Variants in ANKRD27 observed in about 807,000 individuals in gnomAD.
The protein encoded by ANKRD27 is ankyrin repeat domain 27.
ANKRD27 carries 112 observed loss-of-function variants against 129.7 expected under a neutral mutation model. That is an observed-to-expected ratio of 0.86 (90% CI 0.74 to 1.01). The LOEUF is 1.01. ANKRD27 is among the 50% of genes least tolerant of loss of function. ANKRD27 has a pLI of 0.00. For synonymous variants in ANKRD27, 516 were observed against 511.2 expected (o/e 1.01, Z -0.13); for missense variants, 1,258 against 1,300.5 (o/e 0.97, Z 0.50).
rs545223921 is a variant in ANKRD27, at chr19:32,652,510, G to A, written c.103-2718C>T. ...CAGGTGGCTGAGGCCGGGAGGCAGA[G>A]GTTGCAGTGAGCCGAGATCGCACCA... On this transcript the variant is annotated intron_variant, in intron 2 of 28. Transcript: ENST00000306065. Among the ~76,000 whole-genome samples the A allele has an allele frequency of 5.9e-5, 9 of 152,212 alleles. No individual in the cohort carries two copies. In the South Asian group the frequency reaches 1.7e-3, roughly 28 times the overall value.
rs746983376 is a variant in ANKRD27, at chr19:32,646,599, C to T, written c.230G>A (p.Gly77Glu). ...ACCAGCTCCTAATTTAATCCTGTTC[C>T]CTTGAATAAAGACATCCTGGAAACA... is the stretch of plus-strand genomic sequence containing the variant. ...TLNGKDVFIQ[G>E]NRIKLGAGFA... The change falls in exon 4 of 29, where the codon GGG becomes GAG. Residue 77 changes from glycine to glutamate, a missense_variant. Physicochemically the swap from Gly to Glu is moderately conservative, Grantham distance 98. Coordinates refer to ENST00000306065, the MANE Select transcript of ANKRD27 (RefSeq NM_032139.3). 1.2e-6 allele frequency: 2 copies of T among 1,612,702 alleles called. No homozygotes were observed. The highest frequency in any genetic ancestry group is 2.7e-5 in the African/African-American group (2 of 74,870).
Position 32,600,011 on chromosome 19 carries a change from G to A in ANKRD27, c.2807C>T (p.Thr936Ile), listed in dbSNP as rs778716421. 1.9e-6 allele frequency: 3 copies of A among 1,613,028 alleles called. No homozygotes were observed. Among genetic ancestry groups the A allele is most frequent in the Non-Finnish European group, 2.5e-6 (3 of 1,179,298 alleles). The change falls in exon 27 of 29, where the codon ACA becomes ATA. Residue 936 changes from threonine to isoleucine, a missense_variant. Coordinates refer to ENST00000306065, the MANE Select transcript of ANKRD27 (RefSeq NM_032139.3). ...TGAGTGGACAAAGTAAAACTGTCTT[G>A]TAAAAGGCTCATCTGGTAGATCATA... ...KLYDLPDEPF[T>I]RQFYFVHSAG...
At chr19:32,606,030 T>C (rs1971729441) in intron 23 of ANKRD27, 76 bp from the exon 24 acceptor site, 1 of 1,204,958 alleles carries the variant, frequency 8.3e-7, no homozygotes, top group Non-Finnish European at 1.1e-6. Flanking sequence ...TTATGAAAAA[T>C]AAATAAATAA....
At chr19:32,664,055 C>CAAAA (rs869264224) in intron 1 of ANKRD27, among the ~76,000 whole-genome samples, 34 of 31,318 alleles carry the variant, frequency 1.1e-3, no homozygotes, top group African/African-American at 2.4e-3. Context: ...GACTCTGTCT[C>CAAAA]AAAAAAAAAA....
intron 1 of ANKRD27, among the ~76,000 whole-genome samples, chr19:32,659,581 C>A (rs1246385460): frequency 6.6e-6 from 1 of 152,058 alleles, no homozygotes; most frequent in Non-Finnish European, 1.5e-5. Flanking sequence ...GTATAAATGG[C>A]TATTTTTAGA....
chr19:32,626,678 A>G lies in ANKRD27; in HGVS notation c.1536+34T>C, dbSNP rs775546412. 5.2e-6 allele frequency: 8 copies of G among 1,525,210 alleles called. No homozygotes were observed. In the East Asian group the frequency reaches 1.9e-4, roughly 37 times the overall value. The allele number at this position is 1,525,210 out of a possible 1,614,324, so 94.5% of individuals were successfully genotyped here. ...CGCAGAACCAAGCTCACAGGAGCAA[A>G]GCGACAGCCCGCCACAAAGGCACCA... On this transcript the variant is annotated intron_variant, in intron 16 of 28. Transcript: ENST00000306065.
At chr19:32,667,796 C>T (rs1015602708) in intron 1 of ANKRD27, among the ~76,000 whole-genome samples, 1 of 146,648 alleles carries the variant, frequency 6.8e-6, no homozygotes, top group African/African-American at 2.5e-5. Context: ...CATGCCATTG[C>T]ACTCCAGCCT....
chr19:32,607,417 G>C (rs1205825821), intron 23 of ANKRD27, among the ~76,000 whole-genome samples: 4 of 152,122 alleles, frequency 2.6e-5, no homozygotes, highest in African/African-American at 4.8e-5. Context: ...ACCCAGATGG[G>C]AGTGGCAGTG....
intron 2 of ANKRD27, among the ~76,000 whole-genome samples, chr19:32,656,291 C>CTA (rs1251947226): frequency 6.6e-6 from 1 of 152,138 alleles, no homozygotes; most frequent in Admixed American, 6.6e-5. Flanking sequence ...ATGCACTTGT[C>CTA]TAGACAGTAG....
rs151289955 is a variant in ANKRD27 at position 32,661,554 on chromosome 19, G to A, written c.-30-2509C>T. ...GATGAGATTTTGCTGTGTTGCCCAC[G>A]CTGAACTTGAACTCCTGGCCTGATG... On this transcript the variant is annotated intron_variant, in intron 1 of 28. Coordinates refer to ENST00000306065, the MANE Select transcript of ANKRD27 (RefSeq NM_032139.3). 1.5e-3 allele frequency among the ~76,000 whole-genome samples: 233 copies of A among 151,734 alleles called. 1 individual carries two copies. Among genetic ancestry groups the A allele is most frequent in the African/African-American group, 5.4e-3 (225 of 41,336 alleles).
Position 32,615,706 on chromosome 19 carries a change from T to C in ANKRD27, c.2127A>G (p.Glu709=). 6.2e-7 allele frequency: 1 copy of C among 1,614,220 alleles called. No individual in the cohort carries two copies. Among genetic ancestry groups the C allele is most frequent in the Non-Finnish European group, 8.5e-7 (1 of 1,180,030 alleles). Residue 709 remains glutamate (E), a synonymous_variant, in exon 22 of 29, where the codon GAA becomes GAG. Coordinates refer to ENST00000306065, the MANE Select transcript of ANKRD27 (RefSeq NM_032139.3). ...AEDTVSAADP[E]FCHPLCQCPK... is the part of the protein sequence containing the mutation. Reference sequence around the variant, plus strand: ...GGCACTGGCACAACGGGTGACAGAATTCGGGGTCCGCTGCACTGACAGTGT... The same window carrying C: ...GGCACTGGCACAACGGGTGACAGAACTCGGGGTCCGCTGCACTGACAGTGT...
chr19:32,645,268 T>G (rs1376899304), intron 4 of ANKRD27, among the ~76,000 whole-genome samples: 3 of 151,778 alleles, frequency 2.0e-5, no homozygotes, highest in Admixed American at 1.3e-4. Context: ...AAAAATTAGC[T>G]GGGTGTGGTG....
chr19:32,656,423 G>A (rs563548633), intron 2 of ANKRD27, among the ~76,000 whole-genome samples: 2 of 152,270 alleles, frequency 1.3e-5, no homozygotes, highest in Admixed American at 6.5e-5. Flanking sequence ...CACCACCACC[G>A]TAATTAGTAT....
At chr19:32,659,642 T>C (rs933822767) in intron 1 of ANKRD27, among the ~76,000 whole-genome samples, 4 of 152,210 alleles carry the variant, frequency 2.6e-5, no homozygotes, top group African/African-American at 9.7e-5. Context: ...CATTTATTTT[T>C]AATGAAATAT....
intron 4 of ANKRD27, among the ~76,000 whole-genome samples, chr19:32,645,017 T>C (rs376968877): frequency 3.3e-5 from 5 of 152,292 alleles, no homozygotes; most frequent in East Asian, 3.9e-4. Flanking sequence ...CACACCTCCT[T>C]AGCCCAGTGA....
At position 32,631,550 on chromosome 19, in the gene ANKRD27, C is replaced by T. The variant is rs546444659; in HGVS notation, c.1117-56G>A. On this transcript the variant is annotated intron_variant, in intron 12 of 28. Transcript: ENST00000306065. ...ATGTCAGTGCAGATCCTTCAAAACC[C>T]AGCACCTCAGCAACAACCCCGGCTG... 4 of 1,409,960 alleles carry T rather than the reference C, an allele frequency of 2.8e-6. No individual in the cohort carries two copies. In the South Asian group the frequency reaches 4.6e-5, roughly 16 times the overall value. The allele number at this position is 1,409,960 out of a possible 1,614,324, so 87.3% of individuals were successfully genotyped here. A position where few individuals can be genotyped will look rare whatever the true frequency, so the allele number is the denominator to read the frequency against.
intron 18 of ANKRD27, 47 bp downstream of exon 18, chr19:32,622,375 G>C: frequency 1.3e-6 from 2 of 1,599,644 alleles, no homozygotes; most frequent in Non-Finnish European, 8.6e-7. Flanking sequence ...TACGGACATC[G>C]ATCTTCTTTC....
chr19:32,618,588 T>C lies in ANKRD27; in HGVS notation c.2007+672A>G, dbSNP rs573672297. 3.2e-4 allele frequency among the ~76,000 whole-genome samples: 48 copies of C among 152,228 alleles called. No individual in the cohort carries two copies. In the South Asian group the frequency reaches 9.8e-3, roughly 31 times the overall value. On this transcript the variant is annotated intron_variant, in intron 20 of 28. Coordinates refer to ENST00000306065, the MANE Select transcript of ANKRD27 (RefSeq NM_032139.3). ...CTCTGGACCATGTCTCTTGGCTGTCTCTGCTATGGCTTTGCATGGAGCTAA... is the reference window on the plus strand; with the variant it reads ...CTCTGGACCATGTCTCTTGGCTGTCCCTGCTATGGCTTTGCATGGAGCTAA...
intron 22 of ANKRD27, chr19:32,608,467 G>T: frequency 7.0e-6 from 2 of 284,650 alleles, no homozygotes; most frequent in Non-Finnish European, 1.4e-5. Flanking sequence ...GTTTAGGTGA[G>T]AATAATTTTA....
Sources: allele counts gnomAD v4.1 joint callset (sites outside exome capture counted in the v4.1 genomes callset), GRCh38; gene constraint gnomAD v4.1.1; transcripts MANE v1.5; gene names NCBI Gene and HGNC (gene_info 2026-07-23, HGNC 2026-07-21).